SPIRE1: variants seen among roughly 807,000 people sequenced by gnomAD.
SPIRE1 encodes the protein protein spire homolog 1.
Under a neutral mutation model 94.1 loss-of-function variants are expected in SPIRE1, and 40 were observed. That is an observed-to-expected ratio of 0.43 (90% confidence interval 0.33 to 0.55). SPIRE1 has a LOEUF of 0.55. Ranked by LOEUF, SPIRE1 falls within the 20% of genes least tolerant of loss-of-function variation. SPIRE1 has a pLI of 0.06. For synonymous variants in SPIRE1, 376 were observed against 371.7 expected, an observed-to-expected ratio of 1.01 and a Z score of -0.13; for missense variants, 838 against 975.2, an observed-to-expected ratio of 0.86 and a Z score of 1.87.
chr18:12,511,489 A>G (rs914540816), intron 5 of SPIRE1, among the ~76,000 whole-genome samples: 3 of 152,128 alleles, frequency 2.0e-5, no homozygotes, highest in Non-Finnish European at 2.9e-5. Context: ...AATCCTTGAC[A>G]TTGTCTTCCA....
chr18:12,579,017 A>G (rs1371323621), intron 2 of SPIRE1, among the ~76,000 whole-genome samples: 1 of 152,196 alleles, frequency 6.6e-6, no homozygotes, highest in African/African-American at 2.4e-5. Context: ...TGCTTTGCAG[A>G]AACATTCAAT....
rs534148385 is a variant in SPIRE1, at chr18:12,447,155, G to A, written c.*2483C>T. 10 of 152,334 alleles carry A rather than the reference G, an allele frequency of 6.6e-5. 1 individual carries two copies. In the South Asian group the frequency reaches 1.9e-3, roughly 28 times the overall value. The allele number at this position is 152,334 out of a possible 1,614,324, so 9.4% of individuals were successfully genotyped here. ...GACGTATGGGACAAAAGGAACCGGT[G>A]CTCAGGCCTGGAGGGAGCTGAGATG... On this transcript the variant is annotated 3_prime_UTR_variant, in exon 17 of 17. Coordinates refer to ENST00000409402, the MANE Select transcript of SPIRE1 (RefSeq NM_001128626.2).
chr18:12,643,136 T>C (rs1193921486), intron 1 of SPIRE1, among the ~76,000 whole-genome samples: 2 of 152,190 alleles, frequency 1.3e-5, no homozygotes, highest in East Asian at 1.9e-4. Context: ...TAAATGTTTA[T>C]ACATAAATAG....
intron 2 of SPIRE1, among the ~76,000 whole-genome samples, chr18:12,630,075 T>TA (rs937690092): frequency 1.3e-5 from 2 of 152,172 alleles, no homozygotes; most frequent in Admixed American, 6.5e-5. Flanking sequence ...GTAAAAGTGC[T>TA]AAAAAAGTTA....
chr18:12,535,615 A>G lies in SPIRE1; in HGVS notation c.604-14T>C, dbSNP rs1412013256. On this transcript the variant is annotated splice_polypyrimidine_tract_variant and intron_variant, in intron 3 of 16. Transcript: ENST00000409402. ...AGCAGCACACAACTATAGAAGGGGA[A>G]AATAAAATAATGGTGCTTGGTTACT... is the stretch of plus-strand genomic sequence containing the variant. 1.9e-6 allele frequency: 3 copies of G among 1,603,840 alleles called. No homozygotes were observed. Among genetic ancestry groups the G allele is most frequent in the Non-Finnish European group, 2.6e-6 (3 of 1,174,020 alleles).
At chr18:12,581,765 G>A (rs1008914670) in intron 2 of SPIRE1, among the ~76,000 whole-genome samples, 1 of 152,086 alleles carries the variant, frequency 6.6e-6, no homozygotes, top group Non-Finnish European at 1.5e-5. Flanking sequence ...TCGAGAGGCT[G>A]AGGCATGAGA....
At chr18:12,488,214 G>T (rs995987602) in intron 8 of SPIRE1, among the ~76,000 whole-genome samples, 7 of 152,170 alleles carry the variant, frequency 4.6e-5, no homozygotes, top group Non-Finnish European at 1.0e-4. Context: ...TATAAAGAGG[G>T]TAGAATAATT....
At chr18:12,473,631 AAGG>A (rs933863262) in intron 10 of SPIRE1, among the ~76,000 whole-genome samples, 1 of 152,242 alleles carries the variant, frequency 6.6e-6, no homozygotes, top group African/African-American at 2.4e-5. Flanking sequence ...TAAAAGAATT[AAGG>A]AGTTTTTTCT....
At chr18:12,449,920 C>T (rs1438424860) in intron 16 of SPIRE1, 24 bp from the exon 17 acceptor site, 1 of 1,608,434 alleles carries the variant, frequency 6.2e-7, no homozygotes, top group Non-Finnish European at 8.5e-7. Context: ...AAAACAGAAG[C>T]CCAGCATTGT....
In SPIRE1 at chr18:12,506,618, C is replaced by A; in HGVS notation, c.831G>T (p.Met277Ile). 1 of 1,614,132 alleles carries A rather than the reference C, an allele frequency of 6.2e-7. No individual in the cohort carries two copies. Among genetic ancestry groups the A allele is most frequent in the Non-Finnish European group, 8.5e-7 (1 of 1,180,008 alleles). ...ADWARFWVQVMRDLRNGVKLK... is the reference protein window; with the variant it reads ...ADWARFWVQVIRDLRNGVKLK... ...GTTTTACCCCATTCCTCAAATCCCTCATCACCTGTACCCAGAATCGTGCCT... is the reference window on the plus strand; with the variant it reads ...GTTTTACCCCATTCCTCAAATCCCTAATCACCTGTACCCAGAATCGTGCCT... The change falls in exon 6 of 17, where the codon ATG becomes ATT. Residue 277 changes from methionine (M) to isoleucine (I), a missense_variant. Transcript: ENST00000409402.
At chr18:12,496,282 T>C (rs754238340) in intron 6 of SPIRE1, among the ~76,000 whole-genome samples, 180 bp from the exon 7 acceptor site, 8 of 152,316 alleles carry the variant, frequency 5.3e-5, no homozygotes, top group South Asian at 4.1e-4. Context: ...GACTGTGAAA[T>C]TGAAGAAAAT....
At chr18:12,538,442 A>G (rs555965751) in intron 3 of SPIRE1, among the ~76,000 whole-genome samples, 99 of 152,252 alleles carry the variant, frequency 6.5e-4, no homozygotes, top group Admixed American at 1.0e-3. Context: ...CTCTACATAT[A>G]AACTTCTAAA....
chr18:12,491,458 A>G (rs540925582), intron 8 of SPIRE1, among the ~76,000 whole-genome samples: 1 of 152,194 alleles, frequency 6.6e-6, no homozygotes, highest in South Asian at 2.1e-4. Context: ...CAGAACAAAG[A>G]GTCCAGAAAT....
At chr18:12,469,123 T>G (rs1040434830) in intron 10 of SPIRE1, among the ~76,000 whole-genome samples, 2 of 152,174 alleles carry the variant, frequency 1.3e-5, no homozygotes, top group Admixed American at 1.3e-4. Context: ...CACTAAAAAT[T>G]TGCAGATATG....
At chr18:12,630,671 A>G (rs1467237963) in intron 2 of SPIRE1, among the ~76,000 whole-genome samples, 4 of 152,062 alleles carry the variant, frequency 2.6e-5, no homozygotes, top group Non-Finnish European at 4.4e-5. Flanking sequence ...AATAATAATA[A>G]TTTTTGCAGC....
In SPIRE1 at chr18:12,516,546, T is replaced by C. The variant is rs2034200513; in HGVS notation, c.730-4015A>G. ...ATCCAACTATGCCTAAAACTAGCTG[T>C]ACCCTTAGACTTCCTAATTATGTGA... On this transcript the variant is annotated intron_variant, in intron 4 of 16. Coordinates refer to ENST00000409402, the MANE Select transcript of SPIRE1 (RefSeq NM_001128626.2). Among the ~76,000 whole-genome samples the C allele has an allele frequency of 2.6e-5, 4 of 152,212 alleles. No homozygotes were observed. In the South Asian group the frequency reaches 8.3e-4, roughly 32 times the overall value.
chr18:12,524,494 C>A (rs1453519269), intron 4 of SPIRE1, among the ~76,000 whole-genome samples: 1 of 152,106 alleles, frequency 6.6e-6, no homozygotes, highest in Non-Finnish European at 1.5e-5. Flanking sequence ...AAAATGTTTT[C>A]TTTTCTCTAG....
intron 1 of SPIRE1, among the ~76,000 whole-genome samples, chr18:12,636,731 A>G (rs1212368265): frequency 6.6e-6 from 1 of 152,206 alleles, no homozygotes; most frequent in Non-Finnish European, 1.5e-5. Context: ...ATAGGGTTTG[A>G]TAAGTATAAG....
intron 2 of SPIRE1, among the ~76,000 whole-genome samples, chr18:12,571,125 A>G (rs900088788): frequency 6.6e-6 from 1 of 152,130 alleles, no homozygotes; most frequent in African/African-American, 2.4e-5. Flanking sequence ...CCCAGGCTGA[A>G]ACGCAGTTGC....
Sources: allele counts gnomAD v4.1 joint callset (sites outside exome capture counted in the v4.1 genomes callset), GRCh38; gene constraint gnomAD v4.1.1; transcripts MANE v1.5; gene names NCBI Gene and HGNC (gene_info 2026-07-23, HGNC 2026-07-21).